Variants in IL4I1 observed in about 807,000 individuals in gnomAD.
IL4I1 encodes L-amino-acid oxidase.
Under a neutral mutation model 29.7 loss-of-function variants are expected in IL4I1, and 24 were observed. The observed-to-expected ratio is 0.81, with a 90% CI of 0.59 to 1.14. The LOEUF (loss-of-function observed/expected upper bound fraction) is 1.14, where lower values mean the gene tolerates loss of function less well. IL4I1 is among the 50% of genes most tolerant of loss of function. The pLI, the probability that IL4I1 is intolerant of heterozygous loss-of-function variation, is 0.00. For synonymous variants in IL4I1, 371 were observed against 352.5 expected (o/e 1.05, Z -0.59); for missense variants, 686 against 785.6 (o/e 0.87, Z 1.52).
At chr19:49,927,015 A>G (rs2075910711) in intron 2 of IL4I1, among the ~76,000 whole-genome samples, 1 of 151,862 alleles carries the variant, frequency 6.6e-6, no homozygotes, top group African/African-American at 2.4e-5. Flanking sequence ...GCAAACCACC[A>G]CACCCGACTA....
chr19:49,928,617 C>T (rs377249129), intron 1 of IL4I1: 1 of 151,910 alleles, frequency 6.6e-6, no homozygotes, highest in East Asian at 1.9e-4. Context: ...ACCCACCAGG[C>T]GAGTTGATTT....
rs736941 is a variant in IL4I1, at chr19:49,921,684, T to C, written c.-228+6010A>G. 0.25 allele frequency among the ~76,000 whole-genome samples: 37,861 copies of C among 152,118 alleles called. 4,926 individuals carry two copies. The highest frequency in any genetic ancestry group is 0.31 in the African/African-American group (12,993 of 41,488). On this transcript the variant is annotated intron_variant, in intron 2 of 9. Transcript: ENST00000341114. This position sits in a 1 kb window ranked among gnomAD's most constrained non-coding sequence, Gnocchi z 5.4. ...TCCATGGGGGGTACCCCTCTGCCCA[T>C]TGAGGGGGCACCTAGGGAGCCTAGG...
At chr19:49,915,150 A>T (rs1345929961) in intron 2 of IL4I1, among the ~76,000 whole-genome samples, 1 of 151,990 alleles carries the variant, frequency 6.6e-6, no homozygotes, top group Non-Finnish European at 1.5e-5. Flanking sequence ...GATGTGTGCT[A>T]TGTGTGTGGG....
chr19:49,909,406 G>T lies in IL4I1; in HGVS notation c.-227-5085C>A, dbSNP rs146333669. 4.0e-5 allele frequency: 65 copies of T among 1,613,842 alleles called. No homozygotes were observed. In the African/African-American group the frequency reaches 6.8e-4, roughly 17 times the overall value. On this transcript the variant is annotated intron_variant, in intron 2 of 9. Coordinates refer to the IL4I1 transcript ENST00000341114. ...CAAACACAAAGCCGGTGGGTGCTGT[G>T]CCCTGGCTGGAGGTGACGGTGCTCG...
chr19:49,911,263 G>A (rs1370786100), intron 2 of IL4I1: 2 of 152,200 alleles, frequency 1.3e-5, no homozygotes, highest in East Asian at 1.9e-4. Flanking sequence ...GTGGTGACAC[G>A]AGCAGACTGG....
At chr19:49,907,575 T>C (rs1176337019) in intron 2 of IL4I1, 1 of 418,206 alleles carries the variant, frequency 2.4e-6, no homozygotes, top group Non-Finnish European at 4.6e-6. Context: ...GAGTCTCTGT[T>C]GCCTAGGCTG....
chr19:49,901,759 G>C (rs890505992), upstream of IL4I1: 3 of 1,436,704 alleles, frequency 2.1e-6, no homozygotes, highest in East Asian at 7.9e-5. Flanking sequence ...GTCCTTGTTA[G>C]TGGTGCCCTT....
rs1004929357 is a variant in IL4I1 at position 49,924,705 on chromosome 19, C to T, written c.-228+2989G>A. Reference sequence around the variant, plus strand: ...GGTTCGAAGATCTGGGGAGAAGGGTCGCAGGCAACCACTGATGACCGGCTA... The same window carrying T: ...GGTTCGAAGATCTGGGGAGAAGGGTTGCAGGCAACCACTGATGACCGGCTA... On this transcript the variant is annotated intron_variant, in intron 2 of 9. Transcript: ENST00000341114. 3.3e-5 allele frequency among the ~76,000 whole-genome samples: 5 copies of T among 152,138 alleles called. No homozygotes were observed. The South Asian group carries it at 8.3e-4, about 25-fold the overall frequency.
rs143412590 is a variant in IL4I1 at position 49,908,425 on chromosome 19, G to A, written c.-227-4104C>T. The A allele has an allele frequency of 9.5e-5, 154 of 1,614,122 alleles. No homozygotes were observed. The highest frequency in any genetic ancestry group is 1.2e-4 in the Non-Finnish European group (138 of 1,180,048). On this transcript the variant is annotated intron_variant, in intron 2 of 9. Transcript: ENST00000341114. Reference sequence around the variant, plus strand: ...GGTCACTGGTGTCGGCGGGGGCCCCGGACGTGTTCAGGTGCTCGATGATGT... The same window carrying A: ...GGTCACTGGTGTCGGCGGGGGCCCCAGACGTGTTCAGGTGCTCGATGATGT...
At chr19:49,895,696 T>C (rs936679321) in intron 3 of IL4I1, 119 bp downstream of exon 3, 20 of 754,774 alleles carry the variant, frequency 2.6e-5, no homozygotes, top group Non-Finnish European at 3.9e-5. Context: ...AAAGATAGCC[T>C]CTCCCCCCAC....
chr19:49,908,026 A>G (rs1174334003), intron 2 of IL4I1: 2 of 1,021,194 alleles, frequency 2.0e-6, no homozygotes, highest in African/African-American at 1.6e-5. Context: ...AAGCCACAGA[A>G]GCCACACCCA....
intron 2 of IL4I1, among the ~76,000 whole-genome samples, chr19:49,926,202 C>CT (rs1445030252): frequency 6.5e-5 from 7 of 107,188 alleles, no homozygotes; most frequent in Middle Eastern, 7.9e-3. Context: ...GAGCGAGACT[C>CT]TGTCTCAAAA....
At chr19:49,893,198 G>A (rs1488565560) in intron 5 of IL4I1, among the ~76,000 whole-genome samples, 1 of 152,152 alleles carries the variant, frequency 6.6e-6, no homozygotes, top group Non-Finnish European at 1.5e-5. Context: ...ACTGGGGGCT[G>A]TGAGCAGCAT....
At chr19:49,909,114 A>G in intron 2 of IL4I1, 1 of 1,612,362 alleles carries the variant, frequency 6.2e-7, no homozygotes, top group South Asian at 1.1e-5. Context: ...GTGGTGGCAG[A>G]TGAGGTTGGA....
At chr19:49,905,486 A>G (rs1481989913) in intron 2 of IL4I1, among the ~76,000 whole-genome samples, 3 of 152,200 alleles carry the variant, frequency 2.0e-5, no homozygotes, top group Non-Finnish European at 4.4e-5. Flanking sequence ...TTTCAGAGAG[A>G]AGTAGCTGGG....
At chr19:49,918,754 T>C (rs1056794250) in intron 2 of IL4I1, 4 of 152,140 alleles carry the variant, frequency 2.6e-5, no homozygotes, top group African/African-American at 9.7e-5. Flanking sequence ...GATGTTTCAA[T>C]GCCTAAATGT....
chr19:49,901,822 C>G (rs2075274571), upstream of IL4I1: 5 of 708,030 alleles, frequency 7.1e-6, no homozygotes, highest in Non-Finnish European at 1.1e-5. Flanking sequence ...AGCTGGGAGG[C>G]TGTGAAAGGC....
At chr19:49,907,242 G>A (rs902537952) in intron 2 of IL4I1, 15 of 290,516 alleles carry the variant, frequency 5.2e-5, no homozygotes, top group East Asian at 3.6e-4. Context: ...AGGGTGCTAC[G>A]GGGACCTGCA....
chr19:49,911,908 C>T (rs1391779913), intron 2 of IL4I1, among the ~76,000 whole-genome samples: 1 of 152,244 alleles, frequency 6.6e-6, no homozygotes, highest in Non-Finnish European at 1.5e-5. Context: ...ACATCCATTC[C>T]TCCCGTTGTG....
Sources: allele counts gnomAD v4.1 joint callset (sites outside exome capture counted in the v4.1 genomes callset), GRCh38; gene constraint gnomAD v4.1.1; non-coding constraint Gnocchi (gnomAD v3.1); transcripts MANE v1.5; gene names NCBI Gene and HGNC (gene_info 2026-07-23, HGNC 2026-07-21).